The following C12orf54 variants were observed in gnomAD, a reference collection of about 807,000 sequenced individuals.
C12orf54 encodes the protein chromosome 12 open reading frame 54, also known as uncharacterized protein C12orf54.
C12orf54 carries 24 observed loss-of-function variants against 26.4 expected under a neutral mutation model. The observed-to-expected ratio is 0.91, with a 90% CI of 0.66 to 1.28. The LOEUF is 1.28. Among genes scored for constraint, C12orf54 ranks in the 50% most tolerant of loss-of-function variants. The pLI is 0.00. For missense variants in C12orf54, 154 were observed against 150.9 expected (o/e 1.02, Z -0.11); for synonymous variants, 54 against 47.0 (o/e 1.15, Z -0.61).
chr12:48,432,221 A>G, the C12orf54 span, among the ~76,000 whole-genome samples: 1 of 152,184 alleles, frequency 6.6e-6, no homozygotes, highest in South Asian at 2.1e-4. Flanking sequence ...ATTTCAATGA[A>G]TTTATTTTTT....
the C12orf54 span, among the ~76,000 whole-genome samples, chr12:48,445,525 A>G: frequency 7.2e-5 from 11 of 152,308 alleles, no homozygotes; most frequent in East Asian, 1.7e-3. Flanking sequence ...CAAAGTGCCC[A>G]GAGTCTATCG....
At chr12:48,432,729 C>T in the C12orf54 span, among the ~76,000 whole-genome samples, 14 of 152,152 alleles carry the variant, frequency 9.2e-5, no homozygotes, top group South Asian at 2.1e-4. Context: ...ATTAGCCAGG[C>T]GTGGTGGTAC....
chr12:48,469,430 ACAGT>A, the C12orf54 span, among the ~76,000 whole-genome samples: 1 of 152,190 alleles, frequency 6.6e-6, no homozygotes, highest in Non-Finnish European at 1.5e-5. Flanking sequence ...GGCCCCGCAG[ACAGT>A]CAGACTTTAT....
the C12orf54 span, among the ~76,000 whole-genome samples, chr12:48,439,035 C>A: frequency 2.0e-5 from 3 of 152,080 alleles, no homozygotes; most frequent in African/African-American, 7.2e-5. Context: ...CCAGAATCTA[C>A]AATGAACTCA....
chr12:48,435,229 C>T, the C12orf54 span, among the ~76,000 whole-genome samples: 2 of 152,040 alleles, frequency 1.3e-5, no homozygotes, highest in South Asian at 2.1e-4. Context: ...TAAAAAGAAA[C>T]AAACAAAGCC....
chr12:48,471,082 A>G, the C12orf54 span, among the ~76,000 whole-genome samples: 7 of 151,872 alleles, frequency 4.6e-5, 1 homozygote, highest in Middle Eastern at 0.02. Context: ...ATTTTTTTGT[A>G]CCCATTAACC....
chr12:48,420,929 G>A, the C12orf54 span, among the ~76,000 whole-genome samples: 91 of 152,188 alleles, frequency 6.0e-4, 2 homozygotes, highest in South Asian at 0.019. Flanking sequence ...TGCACAGAAG[G>A]TCAAGTTAAA....
chr12:48,418,477 A>T, the C12orf54 span, among the ~76,000 whole-genome samples: 1 of 152,076 alleles, frequency 6.6e-6, no homozygotes. Flanking sequence ...CAGACATGTG[A>T]GGGGATAAAG....
chr12:48,465,622 A>C, the C12orf54 span, among the ~76,000 whole-genome samples: 1 of 152,196 alleles, frequency 6.6e-6, no homozygotes, highest in Admixed American at 6.6e-5. Flanking sequence ...GCATATGTTC[A>C]TTGCATCACT....
chr12:48,427,140 A>G, the C12orf54 span, among the ~76,000 whole-genome samples: 1 of 152,158 alleles, frequency 6.6e-6, no homozygotes, highest in Admixed American at 6.5e-5. Context: ...GAGAGAGGGC[A>G]TCCTTGTCTT....
intron 4 of C12orf54, among the ~76,000 whole-genome samples, chr12:48,487,351 A>G (rs932000039): frequency 1.3e-5 from 2 of 152,232 alleles, no homozygotes; most frequent in Non-Finnish European, 2.9e-5. Flanking sequence ...AATTAAGTCA[A>G]TGGCTATGGC....
At chr12:48,422,145 A>G in the C12orf54 span, among the ~76,000 whole-genome samples, 1 of 152,210 alleles carries the variant, frequency 6.6e-6, no homozygotes, top group Non-Finnish European at 1.5e-5. Flanking sequence ...AAGAGGCTCT[A>G]TTCTCAGATT....
chr12:48,465,491 G>A, the C12orf54 span, among the ~76,000 whole-genome samples: 1 of 152,096 alleles, frequency 6.6e-6, no homozygotes, highest in Admixed American at 6.6e-5. Flanking sequence ...CAACCACTCT[G>A]GAAGAAAGTG....
chr12:48,444,751 G>A, the C12orf54 span, among the ~76,000 whole-genome samples: 2 of 152,196 alleles, frequency 1.3e-5, no homozygotes. Flanking sequence ...GATACAATCA[G>A]TTGGAGTCAG....
At chr12:48,424,933 A>C in the C12orf54 span, among the ~76,000 whole-genome samples, 1 of 152,240 alleles carries the variant, frequency 6.6e-6, no homozygotes, top group African/African-American at 2.4e-5. Context: ...GGAGGAAACA[A>C]TCTGTTGCAA....
intron 1 of C12orf54, among the ~76,000 whole-genome samples, chr12:48,482,889 C>T (rs879075613): frequency 2.0e-5 from 3 of 152,026 alleles, no homozygotes; most frequent in Non-Finnish European, 4.4e-5. Context: ...TTTGGCCAAT[C>T]CCCCATCCCC....
the C12orf54 span, among the ~76,000 whole-genome samples, chr12:48,452,550 A>G: frequency 2.0e-5 from 3 of 148,632 alleles, no homozygotes; most frequent in Admixed American, 6.7e-5. Context: ...AAAAACTATC[A>G]ACAGAGTAAA....
At chr12:48,430,526 A>C in the C12orf54 span, among the ~76,000 whole-genome samples, 81 of 152,336 alleles carry the variant, frequency 5.3e-4, 1 homozygote, top group East Asian at 0.015. Context: ...AAGATATACA[A>C]ATGGCCAAAA....
At chr12:48,460,195 C>G in the C12orf54 span, among the ~76,000 whole-genome samples, 3 of 146,308 alleles carry the variant, frequency 2.1e-5, no homozygotes, top group Non-Finnish European at 4.4e-5. Flanking sequence ...CTTTCCTGCC[C>G]AGGGAGTTGA....
Sources: allele counts gnomAD v4.1 joint callset (sites outside exome capture counted in the v4.1 genomes callset), GRCh38; gene constraint gnomAD v4.1.1; transcripts MANE v1.5; gene names NCBI Gene and HGNC (gene_info 2026-07-23, HGNC 2026-07-21).